DDC: variants seen among roughly 807,000 people sequenced by gnomAD.
DDC encodes the protein dopa decarboxylase, also known as aromatic-L-amino-acid decarboxylase.
DDC carries 43 observed loss-of-function variants against 60.0 expected under a neutral mutation model. That is an observed-to-expected ratio of 0.72 (90% confidence interval 0.56 to 0.92). The LOEUF is 0.92. DDC is among the 40% of genes least tolerant of loss of function. The pLI is 0.00. For synonymous variants in DDC, 232 were observed against 234.6 expected, an observed-to-expected ratio of 0.99 and a Z score of 0.10; for missense variants, 573 against 620.2, an observed-to-expected ratio of 0.92 and a Z score of 0.81.
At chr7:50,545,047 T>TG (rs1180554503) in intron 1 of DDC, among the ~76,000 whole-genome samples, 1 of 152,096 alleles carries the variant, frequency 6.6e-6, no homozygotes, top group Non-Finnish European at 1.5e-5. Flanking sequence ...GCACCACATT[T>TG]GGGGGTCATT....
At chr7:50,518,793 A>G (rs1016502937) in intron 6 of DDC, among the ~76,000 whole-genome samples, 2 of 152,244 alleles carry the variant, frequency 1.3e-5, no homozygotes, top group Admixed American at 6.5e-5. Context: ...ATTCTAGAAG[A>G]TAACATTGGA....
chr7:50,479,941 C>T, intron 9 of DDC, 78 bp from the exon 10 acceptor site: 3 of 1,154,460 alleles, frequency 2.6e-6, no homozygotes, highest in East Asian at 2.5e-5. Flanking sequence ...CCCCACCTGC[C>T]TCAGCTCAGG....
intron 6 of DDC, among the ~76,000 whole-genome samples, chr7:50,515,920 T>G (rs2043714734): frequency 6.6e-6 from 1 of 152,134 alleles, no homozygotes; most frequent in South Asian, 2.1e-4. Context: ...GTTCCCAAAT[T>G]GATCAAACAA....
intron 1 of DDC, among the ~76,000 whole-genome samples, chr7:50,562,127 C>T (rs920473456): frequency 6.6e-6 from 1 of 152,220 alleles, no homozygotes; most frequent in African/African-American, 2.4e-5. Flanking sequence ...GAAGAAGCTA[C>T]CCCTCTAGAG....
At chr7:50,558,248 C>T (rs7803903) in intron 1 of DDC, among the ~76,000 whole-genome samples, 35,589 of 152,100 alleles carry the variant, frequency 0.23, 4,356 homozygotes, top group East Asian at 0.41. Flanking sequence ...GTCATAATAT[C>T]CAGTGCCCAT....
At chr7:50,466,122 T>A (rs1411756527) in intron 13 of DDC, among the ~76,000 whole-genome samples, 2 of 152,208 alleles carry the variant, frequency 1.3e-5, no homozygotes, top group Admixed American at 1.3e-4. Context: ...GACCCCAGCC[T>A]GCTCCTTCTC....
chr7:50,552,064 C>T (rs891679761), intron 1 of DDC, among the ~76,000 whole-genome samples: 2 of 152,132 alleles, frequency 1.3e-5, no homozygotes, highest in Non-Finnish European at 2.9e-5. Flanking sequence ...ACCACATACA[C>T]CAAAAGAAAT....
Position 50,467,197 on chromosome 7 carries a change from A to G in DDC, c.1242+17T>C. The G allele has an allele frequency of 6.3e-7, 1 of 1,598,006 alleles. No homozygotes were observed. The highest frequency in any genetic ancestry group is 8.6e-7 in the Non-Finnish European group (1 of 1,165,514). ...CACATTCACAGAAAATGAAGAATGG[A>G]ATAGATGTAGACAAACCTTTAGCCG... On this transcript the variant is annotated intron_variant, in intron 13 of 14. Transcript: ENST00000444124.
chr7:50,475,795 T>C (rs2042629626), intron 11 of DDC, among the ~76,000 whole-genome samples: 1 of 152,008 alleles, frequency 6.6e-6, no homozygotes, highest in African/African-American at 2.4e-5. Flanking sequence ...GTTCCAATGA[T>C]TCTCCTGCCT....
At chr7:50,527,876 A>G in intron 6 of DDC, 1 of 375,056 alleles carries the variant, frequency 2.7e-6, no homozygotes, top group Non-Finnish European at 5.0e-6. Context: ...AAAAAAAAAA[A>G]TGGAGGTAAA....
chr7:50,559,009 G>A (rs1348222744), intron 1 of DDC, among the ~76,000 whole-genome samples: 1 of 152,196 alleles, frequency 6.6e-6, no homozygotes, highest in African/African-American at 2.4e-5. Context: ...TGCCCTCCAT[G>A]CCCCAAGAGA....
chr7:50,484,369 C>T (rs1376941866), intron 9 of DDC, among the ~76,000 whole-genome samples: 1 of 152,142 alleles, frequency 6.6e-6, no homozygotes, highest in East Asian at 1.9e-4. Flanking sequence ...TGATACTTAG[C>T]TTATGATTTT....
chr7:50,492,340 A>G (rs2043014558), intron 9 of DDC, among the ~76,000 whole-genome samples: 1 of 152,206 alleles, frequency 6.6e-6, no homozygotes, highest in African/African-American at 2.4e-5. Context: ...CATTCATGCC[A>G]TTTTTATAGT....
At chr7:50,507,756 G>A (rs185354527) in intron 6 of DDC, among the ~76,000 whole-genome samples, 211 of 152,108 alleles carry the variant, frequency 1.4e-3, no homozygotes, top group Non-Finnish European at 2.2e-3. Flanking sequence ...AATAAAACCC[G>A]GCCTTGTCCT....
chr7:50,550,025 A>G (rs1028348108), intron 1 of DDC, among the ~76,000 whole-genome samples: 2 of 152,234 alleles, frequency 1.3e-5, no homozygotes, highest in Admixed American at 1.3e-4. Flanking sequence ...GATTTAAGAG[A>G]ACTGACTCCA....
chr7:50,515,483 T>C (rs2043701674), intron 6 of DDC, among the ~76,000 whole-genome samples: 1 of 152,018 alleles, frequency 6.6e-6, no homozygotes, highest in Admixed American at 6.5e-5. Flanking sequence ...ACAGGACCTA[T>C]AAAGCAAAAA....
intron 6 of DDC, among the ~76,000 whole-genome samples, chr7:50,515,092 C>A (rs182916495): frequency 6.6e-6 from 1 of 152,264 alleles, no homozygotes; most frequent in African/African-American, 2.4e-5. Flanking sequence ...GCAAAAAGAT[C>A]TTCACCTAGG....
In DDC at chr7:50,479,820, G is replaced by C. The variant is rs1316356550; in HGVS notation, c.988C>G (p.Pro330Ala). The C allele has an allele frequency of 6.2e-7, 1 of 1,613,588 alleles. No homozygotes were observed. The highest frequency in any genetic ancestry group is 1.1e-5 in the South Asian group (1 of 91,050). The stretch of plus-strand genomic sequence containing the variant: ...TGATGGCTGTGCTTCAGGTAAGTGG[G>C]GTCCAGTCTAAAGGCTCCCGTTAAG... ...TDLTGAFRLD[P>A]TYLKHSHQDS... Residue 330 changes from proline to alanine, a missense_variant, in exon 10 of 15, where the codon CCC becomes GCC. Transcript: ENST00000444124.
intron 12 of DDC, among the ~76,000 whole-genome samples, chr7:50,469,235 CA>C (rs1253603171): frequency 6.9e-6 from 1 of 144,540 alleles, no homozygotes; most frequent in Non-Finnish European, 1.5e-5. Flanking sequence ...TGAGCCACCA[CA>C]CCCAGCCAAT....
Sources: allele counts gnomAD v4.1 joint callset (sites outside exome capture counted in the v4.1 genomes callset), GRCh38; gene constraint gnomAD v4.1.1; transcripts MANE v1.5; gene names NCBI Gene and HGNC (gene_info 2026-07-23, HGNC 2026-07-21).